Variants in RBM12 observed in about 807,000 individuals in gnomAD.
RBM12 encodes the protein RNA binding motif protein 12, also known as RNA-binding protein 12.
RBM12 carries 24 observed loss-of-function variants against 37.2 expected under a neutral mutation model. The ratio of observed to expected loss-of-function variants is 0.65; its 90% CI spans 0.47 to 0.91. The LOEUF is 0.91. RBM12 is among the 40% of genes least tolerant of loss of function. RBM12 has a pLI of 0.00. For missense variants in RBM12, 1,061 were observed against 1,183.2 expected (o/e 0.90, Z 1.52); for synonymous variants, 420 against 425.2 (o/e 0.99, Z 0.15).
chr20:35,652,458 A>G lies in RBM12; in HGVS notation c.*66T>C. On this transcript the variant is annotated 3_prime_UTR_variant, in exon 3 of 3. Coordinates refer to ENST00000374114, the MANE Select transcript of RBM12 (RefSeq NM_006047.6). The stretch of plus-strand genomic sequence containing the variant: ...CAGGTTCTAACCTGGAAATACTAGG[A>G]AAACAATCTGGATGCATTAATCACA... 1.3e-6 allele frequency: 2 copies of G among 1,513,522 alleles called. No individual in the cohort carries two copies. Among genetic ancestry groups the G allele is most frequent in the South Asian group, 1.3e-5 (1 of 76,822 alleles). 93.8% of individuals were successfully genotyped at this position (1,513,522 alleles called of 1,614,324 possible).
In RBM12 at chr20:35,650,657, C is replaced by T. The variant is rs1196167248; in HGVS notation, c.*1867G>A. On this transcript the variant is annotated 3_prime_UTR_variant, in exon 3 of 3. Transcript: ENST00000374114. ...ATTATCAAAAGACCCACAACATAGT[C>T]ACCTCTTGAGTCTAAACAATCCTTC... 1 of 152,606 alleles carries T rather than the reference C, an allele frequency of 6.6e-6. No homozygotes were observed. Among genetic ancestry groups the T allele is most frequent in the Non-Finnish European group, 1.5e-5 (1 of 68,004 alleles). 9.5% of individuals were successfully genotyped at this position (152,606 alleles called of 1,614,324 possible).
In RBM12 at chr20:35,653,987, CAT is replaced by C. The variant is rs2033722459; in HGVS notation, c.1334_1335del (p.His445ArgfsTer3). On this transcript the variant is annotated frameshift_variant, in exon 3 of 3. Transcript: ENST00000374114. LOFTEE classifies it high-confidence loss of function. ...TCCAGCTTTTTAAAAAAATCAATGA[CAT>C]GTTTGTTTTCTGCTTCAAATGGTAG... is the stretch of plus-strand genomic sequence containing the variant. The part of the protein sequence containing the change: ...KGLPFEAENK[H>X]VIDFFKKLDI... 2.5e-6 allele frequency: 4 copies of C among 1,614,124 alleles called. No individual in the cohort carries two copies. The highest frequency in any genetic ancestry group is 2.2e-5 in the East Asian group (1 of 44,886).
intron 1 of RBM12, among the ~76,000 whole-genome samples, chr20:35,662,667 G>T (rs1242420285): frequency 1.3e-5 from 2 of 152,186 alleles, no homozygotes; most frequent in African/African-American, 4.8e-5. Context: ...ATGGCTCTCT[G>T]CAAAATGGAG....
At chr20:35,661,880 T>A (rs1232731641) in intron 1 of RBM12, among the ~76,000 whole-genome samples, 1 of 152,220 alleles carries the variant, frequency 6.6e-6, no homozygotes, top group African/African-American at 2.4e-5. Context: ...ACAGCAGAGC[T>A]AGGTTCTTCA....
chr20:35,660,043 T>C (rs1022978250), intron 1 of RBM12, among the ~76,000 whole-genome samples: 17 of 151,966 alleles, frequency 1.1e-4, no homozygotes, highest in Non-Finnish European at 1.9e-4. Context: ...ATCTGTGTGA[T>C]TTTCTAAAGG....
chr20:35,658,836 C>T (rs2034064284), intron 2 of RBM12, 94 bp downstream of exon 2: 2 of 644,880 alleles, frequency 3.1e-6, no homozygotes, highest in African/African-American at 3.7e-5. Context: ...CACACACACA[C>T]ACAATATAGT....
Position 35,652,303 on chromosome 20 carries a change from TTA to T in RBM12, c.*219_*220del, listed in dbSNP as rs766313078. 29 of 496,250 alleles carry T rather than the reference TTA, an allele frequency of 5.8e-5. No individual in the cohort carries two copies. The highest frequency in any genetic ancestry group is 8.8e-5 in the Non-Finnish European group (25 of 284,470). 30.7% of individuals were successfully genotyped at this position (496,250 alleles called of 1,614,324 possible). On this transcript the variant is annotated 3_prime_UTR_variant, in exon 3 of 3. Coordinates refer to ENST00000374114, the MANE Select transcript of RBM12 (RefSeq NM_006047.6). ...TTCTCTAATGGTATGCCAAAATCAT[TTA>T]TGTGTTCTCTCCAGATAGCTTTACT... is the stretch of plus-strand genomic sequence containing the variant.
chr20:35,657,724 C>T (rs1254131977), intron 2 of RBM12, among the ~76,000 whole-genome samples: 1 of 152,110 alleles, frequency 6.6e-6, no homozygotes, highest in Non-Finnish European at 1.5e-5. Flanking sequence ...ATTCATAAAG[C>T]CATCTGATGA....
intron 2 of RBM12, among the ~76,000 whole-genome samples, chr20:35,657,567 A>G (rs1336801520): frequency 6.6e-6 from 1 of 152,224 alleles, no homozygotes; most frequent in Admixed American, 6.5e-5. Flanking sequence ...TGACATACAC[A>G]GTTAAGTCTT....
Position 35,652,883 on chromosome 20 carries a change from T to C in RBM12, c.2440A>G (p.Ser814Gly). The change falls in exon 3 of 3, where the codon AGT (serine) becomes GGT (glycine). Residue 814 changes from serine to glycine, a missense_variant. By Grantham distance (56) the Ser-to-Gly change is moderately conservative. This residue lies in a region of RBM12 where 517 missense variants were observed against 534.0 expected (regional missense o/e 0.97). Coordinates refer to ENST00000374114, the MANE Select transcript of RBM12 (RefSeq NM_006047.6). Reference protein sequence around the residue: ...GFGSGPPGLGSAPGHLGGPPA... With the variant: ...GFGSGPPGLGGAPGHLGGPPA... ...GGCCCACCCAAATGCCCAGGGGCAC[T>C]TCCAAGACCAGGAGGGCCACTTCCA... The C allele has an allele frequency of 2.5e-6, 4 of 1,613,404 alleles. No homozygotes were observed. Among genetic ancestry groups the C allele is most frequent in the Non-Finnish European group, 3.4e-6 (4 of 1,179,854 alleles).
In RBM12 at chr20:35,651,314, A is replaced by G. The variant is rs1024517060; in HGVS notation, c.*1210T>C. The G allele has an allele frequency of 6.6e-6, 1 of 152,166 alleles. No homozygotes were observed. Among genetic ancestry groups the G allele is most frequent in the Admixed American group, 6.5e-5 (1 of 15,276 alleles). 9.4% of individuals were successfully genotyped at this position (152,166 alleles called of 1,614,324 possible). On this transcript the variant is annotated 3_prime_UTR_variant, in exon 3 of 3. Transcript: ENST00000374114. ...GCCTTAGTGTCCTGAATACCAAAGAAAAGAGTATGAAAGGGTCAAGAATCT... is the reference window on the plus strand; with the variant it reads ...GCCTTAGTGTCCTGAATACCAAAGAGAAGAGTATGAAAGGGTCAAGAATCT...
Position 35,652,744 on chromosome 20 carries a change from A to C in RBM12, c.2579T>G (p.Val860Gly). 6.2e-7 allele frequency: 1 copy of C among 1,613,542 alleles called. No homozygotes were observed. Among genetic ancestry groups the C allele is most frequent in the Non-Finnish European group, 8.5e-7 (1 of 1,179,618 alleles). ...AGACACAGTAAAGGGCATGTTTTGC[A>C]CTTTAATTACTGTCGGTCCTGGTTT... ...SGKPGPTVIK[V>G]QNMPFTVSID... Residue 860 changes from valine (V) to glycine (G), a missense_variant, in exon 3 of 3, where the codon GTG becomes GGG. Physicochemically the swap from Val to Gly is moderately radical, Grantham distance 109. Transcript: ENST00000374114.
chr20:35,655,643 C>T (rs1601482270), intron 2 of RBM12, among the ~76,000 whole-genome samples: 1 of 152,160 alleles, frequency 6.6e-6, no homozygotes. Flanking sequence ...ATTCAGACCA[C>T]TAATCATTCA....
At chr20:35,655,504 G>A (rs942571089) in intron 2 of RBM12, among the ~76,000 whole-genome samples, 160 bp from the exon 3 acceptor site, 7 of 152,096 alleles carry the variant, frequency 4.6e-5, no homozygotes, top group East Asian at 1.9e-4. Flanking sequence ...TGAACATTAC[G>A]TGCCATTTAC....
rs1211566432 is a variant in RBM12 at position 35,653,337 on chromosome 20, C to T, written c.1986G>A (p.Leu662=). Residue 662 remains leucine (L), a synonymous_variant, in exon 3 of 3, where the codon CTG becomes CTA. Transcript: ENST00000374114. ...CTGCACCGGGAAGTCCTGCACTGGG[C>T]AGTCCCACACCGGGCAGTCCCGCAT... ...MPNAGLPGVG[L]PSAGLPGAGL... 9.9e-6 allele frequency: 16 copies of T among 1,613,788 alleles called. No homozygotes were observed. Among genetic ancestry groups the T allele is most frequent in the Non-Finnish European group, 1.4e-5 (16 of 1,179,878 alleles).
chr20:35,663,490 A>G (rs751032075), intron 1 of RBM12, among the ~76,000 whole-genome samples: 1 of 152,092 alleles, frequency 6.6e-6, no homozygotes, highest in African/African-American at 2.4e-5. Context: ...TTGCCATCAC[A>G]CTTTTTTCCA....
In RBM12 at chr20:35,654,180, C is replaced by T. The variant is rs765189200; in HGVS notation, c.1143G>A (p.Gln381=). The part of the protein sequence containing the change: ...YVEVSPATER[Q]WVAAGGHITF... ...TGATATGGCCTCCAGCAGCTACCCA[C>T]TGTCTTTCTGTGGCAGGGCTAACTT... Residue 381 remains glutamine, a synonymous_variant, in exon 3 of 3, where the codon CAG becomes CAA. Transcript: ENST00000374114. 4.3e-6 allele frequency: 7 copies of T among 1,614,250 alleles called. No individual in the cohort carries two copies. Among genetic ancestry groups the T allele is most frequent in the Non-Finnish European group, 5.9e-6 (7 of 1,180,038 alleles).
At chr20:35,663,136 A>G (rs1236152065) in intron 1 of RBM12, among the ~76,000 whole-genome samples, 1 of 152,190 alleles carries the variant, frequency 6.6e-6, no homozygotes, top group Non-Finnish European at 1.5e-5. Context: ...AGTTCTTCCC[A>G]ACTTTTTATA....
chr20:35,654,732 T>C lies in RBM12; in HGVS notation c.591A>G (p.Pro197=), dbSNP rs200270828. ...PPPIPPIPAM[P]SLPPMPSIPP... is the part of the protein sequence containing the mutation. The stretch of plus-strand genomic sequence containing the variant: ...GAATGGATGGCATTGGTGGCAGAGA[T>C]GGCATCGCTGGAATTGGAGGAATTG... The change falls in exon 3 of 3, where the codon CCA becomes CCG. Residue 197 remains proline, a synonymous_variant. Coordinates refer to ENST00000374114, the MANE Select transcript of RBM12 (RefSeq NM_006047.6). 8.4e-5 allele frequency: 135 copies of C among 1,613,734 alleles called. No homozygotes were observed. The East Asian group carries it at 2.9e-3, about 35-fold the overall frequency.
Sources: allele counts gnomAD v4.1 joint callset (sites outside exome capture counted in the v4.1 genomes callset), GRCh38; gene constraint gnomAD v4.1.1; regional missense constraint gnomAD v4.1.1; transcripts MANE v1.5; gene names NCBI Gene and HGNC (gene_info 2026-07-23, HGNC 2026-07-21).